ARMH3: variants seen among roughly 807,000 people sequenced by gnomAD.
ARMH3 encodes the protein armadillo like helical domain containing 3.
A neutral mutation model predicts 99.1 loss-of-function variants in ARMH3; 60 were observed. That is an observed-to-expected ratio of 0.61 (90% CI 0.49 to 0.75). ARMH3 has a LOEUF of 0.75. Among genes scored for constraint, ARMH3 ranks in the 30% least tolerant of loss-of-function variants. The pLI, the probability that ARMH3 is intolerant of heterozygous loss-of-function variation, is 0.00. For missense variants in ARMH3, 679 were observed against 843.1 expected (o/e 0.81, Z 2.41); for synonymous variants, 285 against 292.8 (o/e 0.97, Z 0.27).
rs374345365 is a variant in ARMH3 at position 102,002,083 on chromosome 10, AC to A, written c.1049-12del. 6.2e-7 allele frequency: 1 copy of A among 1,613,602 alleles called. No individual in the cohort carries two copies. Among genetic ancestry groups the A allele is most frequent in the South Asian group, 1.1e-5 (1 of 91,014 alleles). On this transcript the variant is annotated splice_polypyrimidine_tract_variant and intron_variant, in intron 14 of 25. Coordinates refer to ENST00000370033, the MANE Select transcript of ARMH3 (RefSeq NM_024541.3). The stretch of plus-strand genomic sequence containing the variant: ...CCACAGAACTTATAACTGGAATAGA[AC>A]AGATAAAATGCACTTAGCCTGCAAC...
At chr10:102,048,309 T>C (rs969560908) in intron 1 of ARMH3, among the ~76,000 whole-genome samples, 2 of 152,174 alleles carry the variant, frequency 1.3e-5, no homozygotes, top group Non-Finnish European at 2.9e-5. Flanking sequence ...CAATACTTAG[T>C]GATGGAGATG....
chr10:102,049,085 C>T (rs1474973953), intron 1 of ARMH3, among the ~76,000 whole-genome samples: 1 of 151,982 alleles, frequency 6.6e-6, no homozygotes, highest in Non-Finnish European at 1.5e-5. Flanking sequence ...CTTGCTAGAT[C>T]ACATCCTACT....
In ARMH3 at chr10:101,845,748, T is replaced by G. The variant is rs2066454595; in HGVS notation, c.*1780A>C. 1.3e-5 allele frequency: 2 copies of G among 151,756 alleles called. No homozygotes were observed. The highest frequency in any genetic ancestry group is 2.9e-5 in the Non-Finnish European group (2 of 67,946). The allele number at this position is 151,756 out of a possible 1,614,324, so 9.4% of individuals were successfully genotyped here. ...TCAGATGACCCAGCCTGTGATCTCTTAAGAACCTACATCTACACATGGCAG... is the reference window on the plus strand; with the variant it reads ...TCAGATGACCCAGCCTGTGATCTCTGAAGAACCTACATCTACACATGGCAG... On this transcript the variant is annotated 3_prime_UTR_variant, in exon 26 of 26. Transcript: ENST00000370033.
chr10:101,947,384 C>CAGCT (rs1469511739), intron 22 of ARMH3, among the ~76,000 whole-genome samples: 3 of 152,102 alleles, frequency 2.0e-5, no homozygotes, highest in Non-Finnish European at 2.9e-5. Context: ...CCTGTAATCC[C>CAGCT]AGCTACTCAG....
At chr10:101,851,402 T>C (rs1251659794) in intron 24 of ARMH3, among the ~76,000 whole-genome samples, 14 of 152,120 alleles carry the variant, frequency 9.2e-5, no homozygotes, top group Admixed American at 7.9e-4. Flanking sequence ...CGGAGTGAAG[T>C]TGATCTGACC....
At chr10:101,980,696 A>G (rs1344968124) in intron 19 of ARMH3, among the ~76,000 whole-genome samples, 1 of 152,148 alleles carries the variant, frequency 6.6e-6, no homozygotes, top group Non-Finnish European at 1.5e-5. Context: ...TGGGGTATCA[A>G]TCTGACAGCT....
At chr10:101,884,385 A>C (rs552831549) in intron 24 of ARMH3, among the ~76,000 whole-genome samples, 3 of 152,210 alleles carry the variant, frequency 2.0e-5, no homozygotes, top group Non-Finnish European at 4.4e-5. Flanking sequence ...CTTACTAAAA[A>C]GCCACACTGG....
intron 24 of ARMH3, among the ~76,000 whole-genome samples, chr10:101,874,512 A>AATTT (rs1039639428): frequency 3.3e-5 from 5 of 152,124 alleles, no homozygotes; most frequent in African/African-American, 9.7e-5. Context: ...CTGACAAATT[A>AATTT]AATTGACTCC....
At chr10:101,975,376 G>T (rs2135925265) in intron 19 of ARMH3, 76 bp from the exon 20 acceptor site, 1 of 1,166,076 alleles carries the variant, frequency 8.6e-7, no homozygotes. Flanking sequence ...TTCTTAGTGA[G>T]CCAGCTTTGC....
At chr10:101,964,598 T>G (rs1845453939) in intron 20 of ARMH3, among the ~76,000 whole-genome samples, 1 of 152,204 alleles carries the variant, frequency 6.6e-6, no homozygotes, top group South Asian at 2.1e-4. Flanking sequence ...AAGATATTAT[T>G]CTAAGTGAAA....
intron 2 of ARMH3, among the ~76,000 whole-genome samples, chr10:102,037,978 G>A (rs1197008178): frequency 6.6e-6 from 1 of 151,236 alleles, no homozygotes; most frequent in Non-Finnish European, 1.5e-5. Context: ...TAATATCACT[G>A]TATTGTCTAC....
At chr10:101,983,464 G>A (rs1266223506) in intron 19 of ARMH3, among the ~76,000 whole-genome samples, 1 of 151,976 alleles carries the variant, frequency 6.6e-6, no homozygotes, top group Admixed American at 6.6e-5. Flanking sequence ...GTAGAGACAA[G>A]GTGTCACCAA....
chr10:101,898,770 T>A (rs1433253511), intron 23 of ARMH3, among the ~76,000 whole-genome samples: 2 of 152,244 alleles, frequency 1.3e-5, no homozygotes, highest in Admixed American at 1.3e-4. Context: ...GACTACCAGA[T>A]TTACATTAAC....
At chr10:102,041,111 ATG>A (rs1234979075) in intron 1 of ARMH3, among the ~76,000 whole-genome samples, 1 of 140,528 alleles carries the variant, frequency 7.1e-6, no homozygotes, top group Non-Finnish European at 1.6e-5. Flanking sequence ...ATATATATAT[ATG>A]TAGGTAAAAC....
chr10:102,029,541 T>G (rs781020564), intron 5 of ARMH3, 97 bp downstream of exon 5: 1 of 1,611,560 alleles, frequency 6.2e-7, no homozygotes. Flanking sequence ...TGTATCTTTC[T>G]GAGTCCAAAT....
chr10:101,847,348 C>T lies in ARMH3; in HGVS notation c.*180G>A, dbSNP rs992341901. 1.3e-5 allele frequency: 8 copies of T among 597,074 alleles called. No homozygotes were observed. Among genetic ancestry groups the T allele is most frequent in the Admixed American group, 2.9e-5 (1 of 34,356 alleles). The allele number at this position is 597,074 out of a possible 1,614,324, so 37.0% of individuals were successfully genotyped here. A position where few individuals can be genotyped will look rare whatever the true frequency, so the allele number is the denominator to read the frequency against. On this transcript the variant is annotated 3_prime_UTR_variant, in exon 26 of 26. Transcript: ENST00000370033. ...CCATTCCTCCCCAAATAAGATTATC[C>T]CTGGCTTGACCCTCCTGCCCCTGCT...
chr10:101,996,519 G>T (rs1847063292), intron 15 of ARMH3, among the ~76,000 whole-genome samples: 2 of 152,084 alleles, frequency 1.3e-5, no homozygotes, highest in Admixed American at 1.3e-4. Flanking sequence ...CCCCGATATA[G>T]CCAAAGAGTA....
intron 23 of ARMH3, among the ~76,000 whole-genome samples, chr10:101,894,863 A>C: frequency 1.4e-5 from 2 of 138,340 alleles, no homozygotes; most frequent in Non-Finnish European, 1.5e-5. Flanking sequence ...AAAGAGCGAA[A>C]CTCTGCCAAA....
chr10:101,901,811 A>G (rs1183340269), intron 23 of ARMH3, among the ~76,000 whole-genome samples: 2 of 152,356 alleles, frequency 1.3e-5, no homozygotes, highest in East Asian at 3.9e-4. Flanking sequence ...TGGTAAATCA[A>G]GAAGTAAATA....
Sources: allele counts gnomAD v4.1 joint callset (sites outside exome capture counted in the v4.1 genomes callset), GRCh38; gene constraint gnomAD v4.1.1; transcripts MANE v1.5; gene names NCBI Gene and HGNC (gene_info 2026-07-23, HGNC 2026-07-21).